The following KCND2 variants were observed in gnomAD, a reference collection of about 807,000 sequenced individuals.
KCND2 encodes A-type voltage-gated potassium channel KCND2.
A neutral mutation model predicts 54.4 loss-of-function variants in KCND2; 16 were observed. The observed-to-expected ratio is 0.29, with a 90% CI of 0.20 to 0.45. The LOEUF (loss-of-function observed/expected upper bound fraction) is 0.45, where lower values mean the gene tolerates loss of function less well. Among genes scored for constraint, KCND2 ranks in the 20% least tolerant of loss-of-function variants. The probability of loss-of-function intolerance (pLI) is 1.00; values close to 1 mark genes in which losing one functional copy is unlikely to be tolerated. For synonymous variants in KCND2, 317 were observed against 310.7 expected, an observed-to-expected ratio of 1.02 and a Z score of -0.21; for missense variants, 486 against 824.2, an observed-to-expected ratio of 0.59 and a Z score of 5.02.
chr7:120,504,709 C>T (rs991488994), intron 1 of KCND2, among the ~76,000 whole-genome samples: 1 of 151,736 alleles, frequency 6.6e-6, no homozygotes, highest in East Asian at 1.9e-4. Flanking sequence ...GAGGGTGGCT[C>T]TATAAATTAT....
At chr7:120,479,164 C>G (rs1802568536) in intron 1 of KCND2, among the ~76,000 whole-genome samples, 1 of 151,982 alleles carries the variant, frequency 6.6e-6, no homozygotes, top group African/African-American at 2.4e-5. Context: ...GCCTCATCAG[C>G]TAGAAACAAA....
intron 1 of KCND2, among the ~76,000 whole-genome samples, chr7:120,414,845 G>A (rs725707): frequency 0.99 from 151,004 of 152,268 alleles, 74,883 homozygotes; most frequent in East Asian, 1. Flanking sequence ...CTACCATCAT[G>A]GGCCTTTCCT....
rs3067024 is a variant in KCND2, at chr7:120,330,581, C to CAAAAA, written c.1115+54856_1115+54860dup. The stretch of plus-strand genomic sequence containing the variant: ...GGGTGACAAGAGCAAAACTCTGTCT[C>CAAAAA]AAAAAAAAAAAAAAAAAAAAAAAAA... On this transcript the variant is annotated intron_variant, in intron 1 of 5. Coordinates refer to ENST00000331113, the MANE Select transcript of KCND2 (RefSeq NM_012281.3). 2.5e-3 allele frequency among the ~76,000 whole-genome samples: 121 copies of CAAAAA among 48,378 alleles called. 20 individuals are homozygous for CAAAAA. Among genetic ancestry groups the CAAAAA allele is most frequent in the African/African-American group, 0.01 (101 of 9,906 alleles). The allele number at this position is 48,378 out of a possible 152,430, so 31.7% of individuals were successfully genotyped here.
chr7:120,531,517 C>A lies in KCND2; in HGVS notation c.1116-201386C>A, dbSNP rs191090828. ...TAACACTCCCCATCTTAGAAAAGAC[C>A]TCCTCAAATATTCTTCTCCAGCTGC... On this transcript the variant is annotated intron_variant, in intron 1 of 5. Coordinates refer to ENST00000331113, the MANE Select transcript of KCND2 (RefSeq NM_012281.3). Among the ~76,000 whole-genome samples, 444 of 152,006 alleles carry A rather than the reference C, an allele frequency of 2.9e-3. 5 individuals are homozygous for A. Among genetic ancestry groups the A allele is most frequent in the African/African-American group, 0.01 (424 of 41,486 alleles).
At chr7:120,664,949 C>G (rs1345636928) in intron 1 of KCND2, among the ~76,000 whole-genome samples, 1 of 152,068 alleles carries the variant, frequency 6.6e-6, no homozygotes, top group African/African-American at 2.4e-5. Flanking sequence ...AAACGTACAA[C>G]TATCTTCAGA....
At chr7:120,703,358 C>T (rs1345151421) in intron 1 of KCND2, among the ~76,000 whole-genome samples, 1 of 152,184 alleles carries the variant, frequency 6.6e-6, no homozygotes, top group Non-Finnish European at 1.5e-5. Flanking sequence ...TTGCCATCAA[C>T]CTCCAGATGG....
At chr7:120,288,882 A>T (rs1799388064) in intron 1 of KCND2, among the ~76,000 whole-genome samples, 1 of 152,094 alleles carries the variant, frequency 6.6e-6, no homozygotes, top group African/African-American at 2.4e-5. Context: ...CAGTTTTGAA[A>T]TCTTGGTTTG....
intron 1 of KCND2, among the ~76,000 whole-genome samples, chr7:120,416,202 C>G (rs1801522465): frequency 6.6e-6 from 1 of 152,276 alleles, no homozygotes; most frequent in Non-Finnish European, 1.5e-5. Context: ...AATATTATTA[C>G]TAACCTGTTT....
chr7:120,627,208 GAGA>G (rs10571319), intron 1 of KCND2, among the ~76,000 whole-genome samples: 44,506 of 151,850 alleles, frequency 0.29, 8,333 homozygotes, highest in African/African-American at 0.53. Flanking sequence ...TGAGAATACA[GAGA>G]AGGACAGCTC....
At chr7:120,547,856 T>G (rs1792062082) in intron 1 of KCND2, among the ~76,000 whole-genome samples, 2 of 152,142 alleles carry the variant, frequency 1.3e-5, no homozygotes, top group African/African-American at 4.8e-5. Flanking sequence ...GGCAGTCAGC[T>G]TTCTTCACCT....
At chr7:120,368,002 G>A (rs995741511) in intron 1 of KCND2, among the ~76,000 whole-genome samples, 7 of 152,024 alleles carry the variant, frequency 4.6e-5, no homozygotes, top group African/African-American at 1.4e-4. Flanking sequence ...AATTCAGCCC[G>A]GCAAGCCGTA....
intron 1 of KCND2, among the ~76,000 whole-genome samples, chr7:120,361,079 T>C (rs1800586541): frequency 6.6e-6 from 1 of 152,110 alleles, no homozygotes; most frequent in East Asian, 1.9e-4. Context: ...GGCTTGTCAA[T>C]GTAGCTCTAT....
intron 1 of KCND2, among the ~76,000 whole-genome samples, chr7:120,512,065 C>A (rs537191895): frequency 2.0e-5 from 3 of 152,176 alleles, no homozygotes; most frequent in Admixed American, 2.0e-4. Context: ...TGCTTCCCTT[C>A]ATTGACACTG....
At chr7:120,531,293 A>T (rs900079985) in intron 1 of KCND2, among the ~76,000 whole-genome samples, 1 of 152,116 alleles carries the variant, frequency 6.6e-6, no homozygotes, top group African/African-American at 2.4e-5. Flanking sequence ...TTATAAGTTT[A>T]TAATTCTTCC....
chr7:120,443,826 T>G (rs1005775764), intron 1 of KCND2, among the ~76,000 whole-genome samples: 5 of 152,092 alleles, frequency 3.3e-5, no homozygotes, highest in African/African-American at 1.2e-4. Flanking sequence ...TGTGTGTCAC[T>G]AATTACAGAA....
chr7:120,586,547 G>A (rs1792602999), intron 1 of KCND2, among the ~76,000 whole-genome samples: 1 of 152,082 alleles, frequency 6.6e-6, no homozygotes, highest in East Asian at 1.9e-4. Flanking sequence ...AAGGATTTTT[G>A]TCACTTTAAG....
At chr7:120,534,751 A>G (rs1294217311) in intron 1 of KCND2, among the ~76,000 whole-genome samples, 5 of 152,174 alleles carry the variant, frequency 3.3e-5, no homozygotes, top group Non-Finnish European at 7.4e-5. Context: ...CAACTTTGCC[A>G]TAAATCTAAA....
At chr7:120,625,605 C>T (rs1226352061) in intron 1 of KCND2, among the ~76,000 whole-genome samples, 2 of 152,006 alleles carry the variant, frequency 1.3e-5, no homozygotes, top group Admixed American at 1.3e-4. Flanking sequence ...GGAGTTATTA[C>T]TTGTGGAATT....
intron 1 of KCND2, among the ~76,000 whole-genome samples, chr7:120,613,492 C>G (rs1051490114): frequency 9.2e-5 from 14 of 152,176 alleles, no homozygotes; most frequent in Admixed American, 3.9e-4. Flanking sequence ...GATTGCGCCA[C>G]TGCTCTCCAG....
Sources: allele counts gnomAD v4.1 joint callset (sites outside exome capture counted in the v4.1 genomes callset), GRCh38; gene constraint gnomAD v4.1.1; transcripts MANE v1.5; gene names NCBI Gene and HGNC (gene_info 2026-07-23, HGNC 2026-07-21).